Variants in AHNAK observed in about 807,000 individuals in gnomAD.
AHNAK encodes the protein AHNAK nucleoprotein.
In AHNAK, 23 loss-of-function variants were observed where a neutral mutation model predicts 37.8. That is an observed-to-expected ratio of 0.61 (90% CI 0.44 to 0.86). The LOEUF is 0.86. AHNAK is among the 40% of genes least tolerant of loss of function. AHNAK has a pLI of 0.00. For missense variants in AHNAK, 7,411 were observed against 7,319.4 expected, an observed-to-expected ratio of 1.01 and a Z score of -0.46; for synonymous variants, 2,481 against 2,636.3, an observed-to-expected ratio of 0.94 and a Z score of 1.80.
rs144377432 is a variant in AHNAK at position 62,520,311 on chromosome 11, C to A, written c.14106G>T (p.Ala4702=). 1.2e-6 allele frequency: 2 copies of A among 1,610,102 alleles called. No individual in the cohort carries two copies. Among genetic ancestry groups the A allele is most frequent in the East Asian group, 2.2e-5 (1 of 44,608 alleles). The change falls in exon 5 of 5, where the codon GCG becomes GCT. Residue 4702 remains alanine (A), a synonymous_variant. Coordinates refer to ENST00000378024, the MANE Select transcript of AHNAK (RefSeq NM_001620.3). ...TCTTGAACTTGGGGCCCTTTAGTTT[C>A]GCATCTGGACCTTCGATATTCACAT... is the stretch of plus-strand genomic sequence containing the variant. ...VPDVNIEGPD[A]KLKGPKFKMP...
chr11:62,534,486 G>A (rs1232527782), intron 4 of AHNAK, among the ~76,000 whole-genome samples: 1 of 152,194 alleles, frequency 6.6e-6, no homozygotes, highest in Non-Finnish European at 1.5e-5. Context: ...CTTGGACCCT[G>A]AAAGCACTCG....
chr11:62,540,910 C>G (rs1941102336), intron 1 of AHNAK, among the ~76,000 whole-genome samples: 2 of 152,212 alleles, frequency 1.3e-5, no homozygotes, highest in Admixed American at 6.5e-5. Flanking sequence ...TACCCTGCAA[C>G]TGGGGACAAC....
chr11:62,510,499 T>C (rs902092108), intron 4 of AHNAK, among the ~76,000 whole-genome samples: 14 of 151,966 alleles, frequency 9.2e-5, no homozygotes, highest in African/African-American at 3.1e-4. Context: ...ATCCCAGCAC[T>C]TTGGGAGGCC....
intron 5 of AHNAK, among the ~76,000 whole-genome samples, chr11:62,450,712 C>T (rs1247299644): frequency 5.3e-5 from 8 of 152,216 alleles, no homozygotes; most frequent in African/African-American, 1.9e-4. Context: ...AGCTTCTCCA[C>T]CAGAGAGAGG....
In AHNAK at chr11:62,528,632, A is replaced by G. The variant is rs763076508; in HGVS notation, c.5785T>C (p.Leu1929=). ...TTGACTTTGGGGCCTTTCAAGTGTA[A>G]GTCCACATCAGGCATGGAGATCTTG... ...APKISMPDVD[L]HLKGPKVKGD... The change falls in exon 5 of 5, where the codon TTA becomes CTA. Residue 1929 remains leucine (L), a synonymous_variant. Transcript: ENST00000378024. 18 of 1,609,412 alleles carry G rather than the reference A, an allele frequency of 1.1e-5. No homozygotes were observed. Among genetic ancestry groups the G allele is most frequent in the Non-Finnish European group, 1.5e-5 (18 of 1,179,100 alleles).
chr11:62,477,174 A>G (rs1027417394), intron 5 of AHNAK, among the ~76,000 whole-genome samples: 1 of 152,230 alleles, frequency 6.6e-6, no homozygotes, highest in Non-Finnish European at 1.5e-5. Flanking sequence ...ATGCTTTCTA[A>G]GAGTTCGTCG....
Position 62,518,821 on chromosome 11 carries a change from A to T in AHNAK, c.15596T>A (p.Val5199Glu), listed in dbSNP as rs757609435. ...ISAPQVSIPD[V>E]NVNLKGPKIK... ...CTTTGGTCCTTTCAAGTTTACATTC[A>T]CATCAGGGATGGAGACTTGAGGGGC... The change falls in exon 5 of 5, where the codon GTG becomes GAG. Residue 5199 changes from valine to glutamate, a missense_variant. Physicochemically the swap from Val to Glu is moderately radical, Grantham distance 121 (BLOSUM62 -2). Coordinates refer to ENST00000378024, the MANE Select transcript of AHNAK (RefSeq NM_001620.3). The T allele has an allele frequency of 1.2e-6, 2 of 1,614,088 alleles. No individual in the cohort carries two copies. Among genetic ancestry groups the T allele is most frequent in the African/African-American group, 2.7e-5 (2 of 74,928 alleles).
chr11:62,508,498 C>A (rs893760469), intron 4 of AHNAK, among the ~76,000 whole-genome samples: 3 of 152,218 alleles, frequency 2.0e-5, no homozygotes, highest in African/African-American at 4.8e-5. Flanking sequence ...AAAGAGAAGG[C>A]CTTTTCATTC....
At chr11:62,503,882 C>T (rs1565216469) in intron 4 of AHNAK, among the ~76,000 whole-genome samples, 2 of 152,072 alleles carry the variant, frequency 1.3e-5, no homozygotes, top group South Asian at 2.1e-4. Context: ...GCCTCCAGGC[C>T]GGGCGTGGTG....
At chr11:62,476,247 G>A (rs1939143541) in intron 5 of AHNAK, among the ~76,000 whole-genome samples, 1 of 152,132 alleles carries the variant, frequency 6.6e-6, no homozygotes, top group Admixed American at 6.6e-5. Flanking sequence ...AAATTAGCTG[G>A]GCATGGTGGC....
intron 5 of AHNAK, among the ~76,000 whole-genome samples, chr11:62,490,481 G>A (rs753385741): frequency 7.9e-5 from 12 of 152,058 alleles, no homozygotes; most frequent in Non-Finnish European, 1.5e-4. Flanking sequence ...GATTACAGGC[G>A]TCAGCCACCG....
Position 62,523,876 on chromosome 11 carries a change from C to G in AHNAK, c.10541G>C (p.Gly3514Ala). The change falls in exon 5 of 5, where the codon GGC becomes GCC. Residue 3514 changes from glycine to alanine, a missense_variant. By Grantham distance (60) the Gly-to-Ala change is moderately conservative. Transcript: ENST00000378024. ...NIEGPSMNIE[G>A]PDLNVEGPEG... ...CGGACCTTCCACATTGAGATCTGGG[C>G]CCTCAATGTTCATACTTGGGCCCTC... 5 of 1,613,988 alleles carry G rather than the reference C, an allele frequency of 3.1e-6. No individual in the cohort carries two copies. Among genetic ancestry groups the G allele is most frequent in the Non-Finnish European group, 4.2e-6 (5 of 1,179,992 alleles).
chr11:62,511,007 G>A (rs1448781135), downstream of AHNAK, among the ~76,000 whole-genome samples: 5 of 152,086 alleles, frequency 3.3e-5, no homozygotes, highest in South Asian at 6.2e-4. Context: ...ATACCAAAGA[G>A]CTAAGGTGGC....
chr11:62,508,815 G>T (rs57618683), intron 4 of AHNAK, among the ~76,000 whole-genome samples: 9 of 152,340 alleles, frequency 5.9e-5, no homozygotes, highest in African/African-American at 1.9e-4. Flanking sequence ...GAAAGACAGA[G>T]AGCTGCTCTG....
Position 62,460,317 on chromosome 11 carries a change from C to T in AHNAK, c.443-26426G>A, listed in dbSNP as rs867623908. Among the ~76,000 whole-genome samples, 29 of 152,050 alleles carry T rather than the reference C, an allele frequency of 1.9e-4. No individual in the cohort carries two copies. The South Asian group carries it at 2.7e-3, about 14-fold the overall frequency. ...TAAACAAACAAACAAAAACCAGATC[C>T]GGAGACACGCTGCATCTGAGATGAG... On this transcript the variant is annotated intron_variant, in intron 5 of 5. Transcript: ENST00000257247.
Position 62,524,544 on chromosome 11 carries a change from G to C in AHNAK, c.9873C>G (p.Pro3291=), listed in dbSNP as rs755638866. The change falls in exon 5 of 5, where the codon CCC becomes CCG. Residue 3291 remains proline (P), a synonymous_variant. Coordinates refer to ENST00000378024, the MANE Select transcript of AHNAK (RefSeq NM_001620.3). Reference sequence around the variant, plus strand: ...AGTCAATTTCTGGCATGGAGATCTTGGGCATGTTTACATGCATGTCAGGCA... The same window carrying C: ...AGTCAATTTCTGGCATGGAGATCTTCGGCATGTTTACATGCATGTCAGGCA... ...LKMPDMHVNM[P]KISMPEIDLN... 2 of 1,614,062 alleles carry C rather than the reference G, an allele frequency of 1.2e-6. No individual in the cohort carries two copies. The highest frequency in any genetic ancestry group is 1.7e-5 in the Admixed American group (1 of 60,006).
In AHNAK at chr11:62,526,309, T is replaced by A; in HGVS notation, c.8108A>T (p.Lys2703Ile). 1 of 1,614,030 alleles carries A rather than the reference T, an allele frequency of 6.2e-7. No homozygotes were observed. The highest frequency in any genetic ancestry group is 2.2e-5 in the East Asian group (1 of 44,870). Reference sequence around the variant, plus strand: ...ATCAGGCATGGAGATCTTGGGGGCTTTGATATTCATCTCTGGCATCTTGAA... The same window carrying A: ...ATCAGGCATGGAGATCTTGGGGGCTATGATATTCATCTCTGGCATCTTGAA... The part of the protein sequence containing the change: ...PKFKMPEMNI[K>I]APKISMPDID... The change falls in exon 5 of 5, where the codon AAA becomes ATA. Residue 2703 changes from lysine to isoleucine, a missense_variant. Transcript: ENST00000378024.
chr11:62,459,527 T>A (rs1938741668), intron 5 of AHNAK, among the ~76,000 whole-genome samples: 1 of 152,118 alleles, frequency 6.6e-6, no homozygotes, highest in Non-Finnish European at 1.5e-5. Flanking sequence ...GGCCCAGTGA[T>A]GGAGAGGCAC....
chr11:62,478,876 G>T (rs72925365), intron 5 of AHNAK, among the ~76,000 whole-genome samples: 4,088 of 149,656 alleles, frequency 0.027, 54 homozygotes, highest in Non-Finnish European at 0.033. Context: ...AATTTTTTTT[G>T]TTTGTTTGTT....
Sources: allele counts gnomAD v4.1 joint callset (sites outside exome capture counted in the v4.1 genomes callset), GRCh38; gene constraint gnomAD v4.1.1; transcripts MANE v1.5; gene names NCBI Gene and HGNC (gene_info 2026-07-23, HGNC 2026-07-21).